The following FRMPD4 variants were observed in gnomAD, a reference collection of about 807,000 sequenced individuals.
FRMPD4 encodes FERM and PDZ domain-containing protein 4.
Under a neutral mutation model 94.1 loss-of-function variants are expected in FRMPD4, and 22 were observed. That is an observed-to-expected ratio of 0.23 (90% confidence interval 0.17 to 0.33). The LOEUF (loss-of-function observed/expected upper bound fraction) is 0.33, where lower values mean the gene tolerates loss of function less well. Among genes scored for constraint, FRMPD4 ranks in the 10% least tolerant of loss-of-function variants. The probability of loss-of-function intolerance (pLI) is 1.00; values close to 1 mark genes in which losing one functional copy is unlikely to be tolerated. For missense variants in FRMPD4, 1,111 were observed against 1,339.9 expected (o/e 0.83, Z 2.67); for synonymous variants, 631 against 548.6 (o/e 1.15, Z -2.10).
intron 3 of FRMPD4, among the ~76,000 whole-genome samples, chrX:12,079,307 C>A (rs1332336213): frequency 9.1e-6 from 1 of 109,903 alleles, no homozygotes; most frequent in East Asian, 2.9e-4. Context: ...CCCCTCCCCC[C>A]ACACCAACAA....
At chrX:12,098,465 A>T (rs1354334337) in intron 3 of FRMPD4, among the ~76,000 whole-genome samples, 3 of 112,398 alleles carry the variant, frequency 2.7e-5, no homozygotes, top group African/African-American at 9.7e-5. Flanking sequence ...TGAGGCTATG[A>T]GTGGCCTCGT....
intron 1 of FRMPD4, among the ~76,000 whole-genome samples, chrX:12,163,391 C>T (rs1345281276): frequency 6.3e-5 from 6 of 95,128 alleles, no homozygotes; most frequent in Non-Finnish European, 1.2e-4. Flanking sequence ...GCTTATAAGC[C>T]CAGTTTTTTT....
intron 1 of FRMPD4, among the ~76,000 whole-genome samples, chrX:12,258,284 G>A (rs2054141414): frequency 9.0e-6 from 1 of 110,796 alleles, no homozygotes; most frequent in Non-Finnish European, 1.9e-5. Context: ...GGTCATGAGG[G>A]CTCTGCCTTC....
intron 1 of FRMPD4, among the ~76,000 whole-genome samples, chrX:12,431,430 C>G (rs1405026990): frequency 1.8e-5 from 2 of 112,441 alleles, no homozygotes; most frequent in African/African-American, 3.2e-5. Flanking sequence ...CATTTACTGA[C>G]TACCTACTAT....
At chrX:12,316,076 T>C (rs1333523560) in intron 1 of FRMPD4, among the ~76,000 whole-genome samples, 1 of 112,409 alleles carries the variant, frequency 8.9e-6, no homozygotes, top group Non-Finnish European at 1.9e-5. Flanking sequence ...AGCATAGACC[T>C]CAAATGATAC....
intron 2 of FRMPD4, among the ~76,000 whole-genome samples, chrX:11,865,906 G>T (rs1466394325): frequency 1.8e-5 from 2 of 111,954 alleles, no homozygotes; most frequent in Non-Finnish European, 3.8e-5. Flanking sequence ...AATACTTTCT[G>T]TGGGGACAAG....
chrX:12,461,553 G>A (rs899408531), intron 1 of FRMPD4, among the ~76,000 whole-genome samples: 3 of 111,917 alleles, frequency 2.7e-5, no homozygotes, highest in East Asian at 2.8e-4. Context: ...TAAATTGTTC[G>A]TAATTTGCAT....
At chrX:12,475,168 C>T (rs904544999) in intron 1 of FRMPD4, among the ~76,000 whole-genome samples, 3 of 112,073 alleles carry the variant, frequency 2.7e-5, no homozygotes, top group Non-Finnish European at 3.8e-5. Context: ...ATACCCAAAT[C>T]AACAAACGTA....
chrX:12,244,303 C>T (rs777183243), intron 1 of FRMPD4, among the ~76,000 whole-genome samples: 157 of 111,339 alleles, frequency 1.4e-3, no homozygotes, highest in Non-Finnish European at 2.6e-3. Flanking sequence ...GATGAAGTTA[C>T]TTCCACCTCC....
At chrX:12,104,801 A>G (rs1204294822) in intron 3 of FRMPD4, among the ~76,000 whole-genome samples, 1 of 112,161 alleles carries the variant, frequency 8.9e-6, no homozygotes, top group African/African-American at 3.2e-5. Context: ...TTTATAGAGA[A>G]GTAAACAGGG....
At chrX:11,895,079 TG>T (rs2053895448) in intron 3 of FRMPD4, among the ~76,000 whole-genome samples, 1 of 112,004 alleles carries the variant, frequency 8.9e-6, no homozygotes, top group Admixed American at 9.5e-5. Context: ...CCAGAATGGT[TG>T]TTTTCAACAA....
intron 1 of FRMPD4, among the ~76,000 whole-genome samples, chrX:12,222,505 G>A (rs1471529301): frequency 1.8e-5 from 2 of 111,836 alleles, no homozygotes; most frequent in Non-Finnish European, 3.8e-5. Context: ...GAGATATATT[G>A]TTGCATGCCA....
At chrX:12,341,054 CTTAGT>C (rs1161566549) in intron 1 of FRMPD4, among the ~76,000 whole-genome samples, 1 of 111,939 alleles carries the variant, frequency 8.9e-6, no homozygotes, top group Admixed American at 9.5e-5. Context: ...CAGTTCTCAG[CTTAGT>C]TTAGTTTAGT....
chrX:12,381,860 G>A (rs940606589), intron 1 of FRMPD4, among the ~76,000 whole-genome samples: 11 of 111,773 alleles, frequency 9.8e-5, no homozygotes, highest in Non-Finnish European at 2.1e-4. Flanking sequence ...GTGTGCTCAT[G>A]TGCTGCCTCT....
intron 2 of FRMPD4, among the ~76,000 whole-genome samples, chrX:12,522,679 T>C (rs185692874): frequency 1.0e-5 from 1 of 98,394 alleles, no homozygotes; most frequent in South Asian, 5.5e-4. Context: ...CTCAGCTCAC[T>C]GCAACCTCTG....
chrX:12,284,245 A>G (rs2054567534), intron 1 of FRMPD4, among the ~76,000 whole-genome samples: 1 of 111,635 alleles, frequency 9.0e-6, no homozygotes, highest in Non-Finnish European at 1.9e-5. Flanking sequence ...GGCTCCTGTA[A>G]TTTGGAATGT....
intron 1 of FRMPD4, among the ~76,000 whole-genome samples, chrX:12,264,847 A>AT (rs1483678469): frequency 1.8e-5 from 2 of 112,267 alleles, no homozygotes; most frequent in Non-Finnish European, 3.8e-5. Context: ...GTTGGGTTGT[A>AT]TTAAGCCTAG....
At chrX:12,335,399 A>C (rs904115551) in intron 1 of FRMPD4, among the ~76,000 whole-genome samples, 1 of 111,984 alleles carries the variant, frequency 8.9e-6, no homozygotes, top group Admixed American at 9.4e-5. Context: ...CAGTGCTGGG[A>C]TTACAGGCGT....
At chrX:12,548,560 T>A (rs1461913515) in intron 2 of FRMPD4, among the ~76,000 whole-genome samples, 2 of 112,853 alleles carry the variant, frequency 1.8e-5, no homozygotes, top group Non-Finnish European at 3.7e-5. Context: ...CATGATGACA[T>A]CCAGTTTAGA....
Sources: allele counts gnomAD v4.1 joint callset (sites outside exome capture counted in the v4.1 genomes callset), GRCh38; gene constraint gnomAD v4.1.1; transcripts MANE v1.5; gene names NCBI Gene and HGNC (gene_info 2026-07-23, HGNC 2026-07-21).